The following RIT2 variants were observed in gnomAD, a reference collection of about 807,000 sequenced individuals.
RIT2 encodes GTP-binding protein Rit2.
RIT2 carries 24 observed loss-of-function variants against 23.7 expected under a neutral mutation model. The observed-to-expected ratio is 1.01, with a 90% CI of 0.73 to 1.43. RIT2 has a LOEUF of 1.43. Among genes scored for constraint, RIT2 ranks in the 40% most tolerant of loss-of-function variants. RIT2 has a pLI of 0.00. For missense variants in RIT2, 236 were observed against 266.9 expected (o/e 0.88, Z 0.81); for synonymous variants, 107 against 91.1 (o/e 1.17, Z -0.99).
intron 1 of RIT2, among the ~76,000 whole-genome samples, chr18:43,113,139 T>C (rs1301364526): frequency 6.6e-6 from 1 of 152,168 alleles, no homozygotes; most frequent in East Asian, 1.9e-4. Context: ...TAACCTTCAA[T>C]AGAAGGTTAA....
chr18:42,876,628 G>A (rs75515525), intron 4 of RIT2, among the ~76,000 whole-genome samples: 4 of 151,354 alleles, frequency 2.6e-5, no homozygotes, highest in Admixed American at 6.6e-5. Flanking sequence ...CAGAAAACAC[G>A]TTCCCTGGCA....
chr18:43,099,585 C>A (rs1275386298), intron 1 of RIT2, among the ~76,000 whole-genome samples: 1 of 152,058 alleles, frequency 6.6e-6, no homozygotes, highest in Non-Finnish European at 1.5e-5. Flanking sequence ...ATTTCCCCTA[C>A]AGCATAGGTT....
At chr18:43,059,049 G>A (rs1912578241) in intron 1 of RIT2, among the ~76,000 whole-genome samples, 1 of 152,078 alleles carries the variant, frequency 6.6e-6, no homozygotes, top group Middle Eastern at 3.4e-3. Context: ...TTGCACAGGG[G>A]CTGTCGGCTT....
At chr18:43,031,144 G>T (rs1239930391) in intron 2 of RIT2, among the ~76,000 whole-genome samples, 1 of 151,306 alleles carries the variant, frequency 6.6e-6, no homozygotes, top group Admixed American at 6.6e-5. Context: ...GTCTTGTCTC[G>T]GTGCCTATAC....
At chr18:42,823,648 G>T (rs1156556949) in intron 4 of RIT2, among the ~76,000 whole-genome samples, 1 of 151,846 alleles carries the variant, frequency 6.6e-6, no homozygotes, top group Non-Finnish European at 1.5e-5. Context: ...AAGAGAATGT[G>T]GATTAGAATA....
At chr18:42,914,153 T>A (rs1371846317) in intron 4 of RIT2, among the ~76,000 whole-genome samples, 1 of 152,056 alleles carries the variant, frequency 6.6e-6, no homozygotes, top group Non-Finnish European at 1.5e-5. Flanking sequence ...TCAAAATGAC[T>A]AAAATGAAAA....
At chr18:43,025,104 A>T (rs1413213597) in intron 2 of RIT2, among the ~76,000 whole-genome samples, 2 of 151,936 alleles carry the variant, frequency 1.3e-5, no homozygotes, top group Non-Finnish European at 2.9e-5. Context: ...GCTACTCAGG[A>T]GGCTGAGGCA....
At chr18:42,750,803 G>A (rs143570411) in intron 4 of RIT2, among the ~76,000 whole-genome samples, 205 of 149,846 alleles carry the variant, frequency 1.4e-3, no homozygotes, top group African/African-American at 3.4e-3. Context: ...TCAAATTAGC[G>A]TATAATTTCA....
At chr18:42,800,703 GTAT>G (rs1348382037) in intron 4 of RIT2, among the ~76,000 whole-genome samples, 2 of 151,680 alleles carry the variant, frequency 1.3e-5, no homozygotes, top group African/African-American at 4.8e-5. Context: ...CTAATTTTTT[GTAT>G]TTTTTTAGTA....
At position 42,925,187 on chromosome 18, in the gene RIT2, T is replaced by C. The variant is rs188942866; in HGVS notation, c.235-1424A>G. 3.9e-5 allele frequency among the ~76,000 whole-genome samples: 6 copies of C among 152,180 alleles called. No individual in the cohort carries two copies. The East Asian group carries it at 7.7e-4, about 20-fold the overall frequency. ...TAACTTTCACAATGTGAGTGAAATGTACTAATATGGGAGAAAAAATATTCT... is the reference window on the plus strand; with the variant it reads ...TAACTTTCACAATGTGAGTGAAATGCACTAATATGGGAGAAAAAATATTCT... On this transcript the variant is annotated intron_variant, in intron 3 of 4. Transcript: ENST00000326695.
chr18:42,916,735 C>T (rs1335613117), intron 4 of RIT2, among the ~76,000 whole-genome samples: 1 of 152,026 alleles, frequency 6.6e-6, no homozygotes, highest in African/African-American at 2.4e-5. Flanking sequence ...TGCTAGATAA[C>T]CTACTGACAT....
chr18:42,818,677 C>T (rs201757285), intron 4 of RIT2, among the ~76,000 whole-genome samples: 1 of 152,012 alleles, frequency 6.6e-6, no homozygotes, highest in African/African-American at 2.4e-5. Flanking sequence ...TGTACGCATG[C>T]TACTGACTGT....
Position 42,946,881 on chromosome 18 carries a change from A to G in RIT2, c.235-23118T>C, listed in dbSNP as rs186019594. Among the ~76,000 whole-genome samples the G allele has an allele frequency of 3.1e-3, 479 of 152,156 alleles. 1 individual carries two copies. Among genetic ancestry groups the G allele is most frequent in the Non-Finnish European group, 4.1e-3 (276 of 67,956 alleles). On this transcript the variant is annotated intron_variant, in intron 3 of 4. Coordinates refer to ENST00000326695, the MANE Select transcript of RIT2 (RefSeq NM_002930.4). ...GCTCTGAAAATCTTATTCATGGTAA[A>G]TTACCATACCTAAGCTTTAGAAGTG...
intron 1 of RIT2, among the ~76,000 whole-genome samples, chr18:43,084,128 G>GA (rs1293956651): frequency 6.6e-6 from 1 of 151,994 alleles, no homozygotes; most frequent in Non-Finnish European, 1.5e-5. Flanking sequence ...ACACACATAG[G>GA]AAAAAAAGCT....
At chr18:42,902,803 GA>G (rs1027546135) in intron 4 of RIT2, among the ~76,000 whole-genome samples, 25 of 151,248 alleles carry the variant, frequency 1.7e-4, no homozygotes, top group East Asian at 7.7e-4. Flanking sequence ...TTAATTAAAA[GA>G]AAAAAATCAT....
chr18:42,763,069 A>G (rs1008555920), intron 4 of RIT2, among the ~76,000 whole-genome samples: 4 of 152,202 alleles, frequency 2.6e-5, no homozygotes, highest in Non-Finnish European at 4.4e-5. Flanking sequence ...CCTGTACATC[A>G]TATTGCTGTG....
chr18:43,056,849 A>T (rs962479013), intron 1 of RIT2, among the ~76,000 whole-genome samples: 1 of 152,094 alleles, frequency 6.6e-6, no homozygotes, highest in Admixed American at 6.6e-5. Flanking sequence ...AACTGCCATG[A>T]TCTTTGAATT....
At chr18:43,107,306 C>T (rs1913846130) in intron 1 of RIT2, among the ~76,000 whole-genome samples, 1 of 152,094 alleles carries the variant, frequency 6.6e-6, no homozygotes, top group Non-Finnish European at 1.5e-5. Flanking sequence ...CCATGCATCT[C>T]TATCATTGCC....
At chr18:42,744,269 G>C (rs1209620706) in intron 4 of RIT2, among the ~76,000 whole-genome samples, 1 of 152,088 alleles carries the variant, frequency 6.6e-6, no homozygotes, top group Non-Finnish European at 1.5e-5. Flanking sequence ...CACAAAGCCT[G>C]TTTGGTGGTC....
Sources: gnomAD v4.1 joint callset for allele counts (sites outside exome capture counted in the v4.1 genomes callset) on GRCh38, gnomAD v4.1.1 for gene constraint, MANE v1.5 for transcripts, NCBI Gene and HGNC (gene_info 2026-07-23, HGNC 2026-07-21) for gene names.